The following FSTL5 variants were observed in gnomAD, a reference collection of about 807,000 sequenced individuals.
FSTL5 encodes follistatin-related protein 5.
In FSTL5, 62 loss-of-function variants were observed where a neutral mutation model predicts 89.1. The ratio of observed to expected loss-of-function variants is 0.70; its 90% CI spans 0.57 to 0.86. The LOEUF is 0.86. Ranked by LOEUF, FSTL5 falls within the 40% of genes least tolerant of loss-of-function variation. The pLI, the probability that FSTL5 is intolerant of heterozygous loss-of-function variation, is 0.00. For synonymous variants in FSTL5, 383 were observed against 346.2 expected, an observed-to-expected ratio of 1.11 and a Z score of -1.18; for missense variants, 1,057 against 1,001.6, an observed-to-expected ratio of 1.06 and a Z score of -0.75.
intron 6 of FSTL5, among the ~76,000 whole-genome samples, chr4:161,754,115 T>C (rs549135458): frequency 6.7e-6 from 1 of 150,020 alleles, no homozygotes; most frequent in South Asian, 2.1e-4. Flanking sequence ...AGTTAATAAT[T>C]AGGTGATTTA....
intron 2 of FSTL5, among the ~76,000 whole-genome samples, chr4:162,058,602 T>C (rs975299910): frequency 2.6e-5 from 4 of 151,774 alleles, no homozygotes; most frequent in African/African-American, 9.7e-5. Flanking sequence ...TAATTTTGTA[T>C]ATTTTTAGTA....
At position 161,825,430 on chromosome 4, in the gene FSTL5, CT is replaced by C. The variant is rs1174343694; in HGVS notation, c.410-49357del. On this transcript the variant is annotated intron_variant, in intron 4 of 15. Coordinates refer to ENST00000306100, the MANE Select transcript of FSTL5 (RefSeq NM_020116.5). ...TAGAATGATTTAGGAAGGATTCCTT[CT>C]TTTTTTATCTTGTGGGATAGTATCA... Among the ~76,000 whole-genome samples, 6 of 152,128 alleles carry C rather than the reference CT, an allele frequency of 3.9e-5. 1 individual carries two copies. The highest frequency in any genetic ancestry group is 7.4e-5 in the Non-Finnish European group (5 of 67,978).
chr4:162,026,384 T>C (rs1737293965), intron 3 of FSTL5, among the ~76,000 whole-genome samples: 1 of 144,168 alleles, frequency 6.9e-6, no homozygotes, highest in Non-Finnish European at 1.5e-5. Context: ...TCTCGGCCAC[T>C]GCAACCTACT....
At chr4:161,604,004 T>C (rs1222112532) in intron 7 of FSTL5, among the ~76,000 whole-genome samples, 1 of 152,116 alleles carries the variant, frequency 6.6e-6, no homozygotes, top group Non-Finnish European at 1.5e-5. Context: ...AACAAATAAA[T>C]GCAATTTTAA....
At chr4:161,695,783 A>G (rs1034704362) in intron 6 of FSTL5, among the ~76,000 whole-genome samples, 1 of 151,796 alleles carries the variant, frequency 6.6e-6, no homozygotes, top group African/African-American at 2.4e-5. Context: ...CTGTCTCTTC[A>G]CGTTCTTAGC....
intron 15 of FSTL5, among the ~76,000 whole-genome samples, chr4:161,422,674 A>G (rs1439012068): frequency 6.6e-6 from 1 of 152,184 alleles, no homozygotes; most frequent in Non-Finnish European, 1.5e-5. Flanking sequence ...AACAACAAAA[A>G]CAGCAAGTGC....
chr4:161,747,418 T>C (rs956444220), intron 6 of FSTL5, among the ~76,000 whole-genome samples: 6 of 152,208 alleles, frequency 3.9e-5, no homozygotes, highest in Admixed American at 2.6e-4. Context: ...ATATGCCATA[T>C]ACTAAAATGC....
intron 7 of FSTL5, among the ~76,000 whole-genome samples, chr4:161,624,619 T>TTCATA (rs1379349403): frequency 6.6e-6 from 1 of 151,918 alleles, no homozygotes; most frequent in Non-Finnish European, 1.5e-5. Flanking sequence ...TTGTATGCTC[T>TTCATA]TCATATTAAA....
intron 15 of FSTL5, among the ~76,000 whole-genome samples, chr4:161,395,764 G>A (rs920367150): frequency 6.6e-6 from 1 of 152,142 alleles, no homozygotes; most frequent in African/African-American, 2.4e-5. Context: ...AGAAAGACCA[G>A]TGAAATAAAT....
chr4:162,044,765 C>T (rs914395978), intron 2 of FSTL5, among the ~76,000 whole-genome samples: 1 of 152,184 alleles, frequency 6.6e-6, no homozygotes, highest in Non-Finnish European at 1.5e-5. Flanking sequence ...CTTGGTGCTT[C>T]GCCTTGCACT....
intron 1 of FSTL5, among the ~76,000 whole-genome samples, chr4:162,162,249 A>G (rs2110772269): frequency 6.6e-6 from 1 of 152,280 alleles, no homozygotes; most frequent in South Asian, 2.1e-4. Flanking sequence ...ACTCTAATGC[A>G]ACTAGAGTAG....
intron 6 of FSTL5, among the ~76,000 whole-genome samples, chr4:161,698,940 A>C (rs747497604): frequency 4.6e-5 from 7 of 151,966 alleles, no homozygotes; most frequent in Admixed American, 3.9e-4. Flanking sequence ...ACAGAGTAAG[A>C]AAGACTCTGT....
intron 3 of FSTL5, among the ~76,000 whole-genome samples, chr4:162,006,448 G>C (rs1291417322): frequency 1.3e-5 from 2 of 151,904 alleles, no homozygotes; most frequent in Non-Finnish European, 2.9e-5. Flanking sequence ...AGATAAATGA[G>C]TGATATTGAA....
intron 4 of FSTL5, among the ~76,000 whole-genome samples, chr4:161,881,189 T>C (rs1732616894): frequency 2.0e-5 from 3 of 148,702 alleles, no homozygotes; most frequent in South Asian, 4.2e-4. Flanking sequence ...TTAATATATT[T>C]AACATTTTAA....
intron 7 of FSTL5, among the ~76,000 whole-genome samples, chr4:161,631,473 C>G (rs1735504064): frequency 6.6e-6 from 1 of 152,048 alleles, no homozygotes; most frequent in South Asian, 2.1e-4. Context: ...AAAAATTAGC[C>G]AGGAATGGTG....
chr4:161,694,822 A>C (rs1045330468), intron 6 of FSTL5, among the ~76,000 whole-genome samples: 1 of 132,084 alleles, frequency 7.6e-6, no homozygotes, highest in Non-Finnish European at 1.6e-5. Context: ...TCATTTGCTT[A>C]GTGTTTGTTT....
At chr4:162,161,508 C>T (rs894260779) in intron 1 of FSTL5, among the ~76,000 whole-genome samples, 9 of 151,810 alleles carry the variant, frequency 5.9e-5, no homozygotes, top group Non-Finnish European at 1.0e-4. Flanking sequence ...CTGAGTCAAC[C>T]TTTGGTTATT....
chr4:161,733,247 C>A (rs1739678042), intron 6 of FSTL5, among the ~76,000 whole-genome samples: 1 of 151,770 alleles, frequency 6.6e-6, no homozygotes, highest in African/African-American at 2.4e-5. Flanking sequence ...CTTTTGTAAA[C>A]CTTTTTTGTG....
chr4:161,982,621 CTT>C lies in FSTL5; in HGVS notation c.160+51002_160+51003del, dbSNP rs1308580559. ...CTAATACATATAAAAGAATTCCTCT[CTT>C]ATGTAGTTTTGAATACATGAATAAT... On this transcript the variant is annotated intron_variant, in intron 3 of 15. Transcript: ENST00000306100. Among the ~76,000 whole-genome samples the C allele has an allele frequency of 7.2e-5, 11 of 152,260 alleles. No homozygotes were observed. In the East Asian group the frequency reaches 1.2e-3, roughly 16 times the overall value.
Sources: gnomAD v4.1 joint callset for allele counts (sites outside exome capture counted in the v4.1 genomes callset) on GRCh38, gnomAD v4.1.1 for gene constraint, MANE v1.5 for transcripts, NCBI Gene and HGNC (gene_info 2026-07-23, HGNC 2026-07-21) for gene names.